Variants in CENPK observed in about 807,000 individuals in gnomAD.
CENPK encodes the protein centromere protein K.
A neutral mutation model predicts 40.9 loss-of-function variants in CENPK; 46 were observed. That is an observed-to-expected ratio of 1.13 (90% confidence interval 0.89 to 1.44). The LOEUF is 1.44. CENPK is among the 40% of genes most tolerant of loss of function. The pLI is 0.00. For synonymous variants in CENPK, 107 were observed against 104.4 expected, an observed-to-expected ratio of 1.02 and a Z score of -0.15; for missense variants, 288 against 303.5, an observed-to-expected ratio of 0.95 and a Z score of 0.38.
intron 6 of CENPK, among the ~76,000 whole-genome samples, chr5:65,531,986 T>C (rs1386803707): frequency 6.6e-6 from 1 of 152,164 alleles, no homozygotes; most frequent in East Asian, 1.9e-4. Context: ...AATTGGTTTT[T>C]TGAGAAGGTC....
At chr5:65,539,110 A>G (rs1468646313) in intron 6 of CENPK, among the ~76,000 whole-genome samples, 1 of 152,202 alleles carries the variant, frequency 6.6e-6, no homozygotes, top group Non-Finnish European at 1.5e-5. Context: ...TGACACTTTA[A>G]AAACATGACA....
chr5:65,557,055 C>A (rs1019134828), intron 2 of CENPK, among the ~76,000 whole-genome samples: 1 of 152,038 alleles, frequency 6.6e-6, no homozygotes, highest in African/African-American at 2.4e-5. Flanking sequence ...GAAGAGTGTG[C>A]AGCTAGAAAT....
At chr5:65,530,298 C>T (rs1745549382) in intron 6 of CENPK, among the ~76,000 whole-genome samples, 1 of 149,512 alleles carries the variant, frequency 6.7e-6, no homozygotes, top group Non-Finnish European at 1.5e-5. Context: ...GGTCAAGTGT[C>T]ATAAAGAAAA....
At position 65,535,981 on chromosome 5, in the gene CENPK, A is replaced by C. The variant is rs576137101; in HGVS notation, c.289-6782T>G. On this transcript the variant is annotated intron_variant, in intron 6 of 10. Transcript: ENST00000396679. ...ATAAAACAACAGCTGCACTGCGATA[A>C]GTTACTGTAGGTAGAAGTTACCAGT... Among the ~76,000 whole-genome samples the C allele has an allele frequency of 3.9e-5, 6 of 152,330 alleles. No homozygotes were observed. The South Asian group carries it at 1.2e-3, about 32-fold the overall frequency.
chr5:65,551,874 C>T (rs1750126880), intron 4 of CENPK, among the ~76,000 whole-genome samples: 1 of 151,342 alleles, frequency 6.6e-6, no homozygotes, highest in African/African-American at 2.4e-5. Flanking sequence ...TTTTTTAGGC[C>T]AAGAGTAAAA....
At chr5:65,507,992 A>C in the CENPK span, among the ~76,000 whole-genome samples, 3 of 152,230 alleles carry the variant, frequency 2.0e-5, no homozygotes, top group Non-Finnish European at 4.4e-5. Flanking sequence ...TTTGGCAATA[A>C]TACTACAGAA....
chr5:65,503,532 A>C, the CENPK span, among the ~76,000 whole-genome samples: 1 of 152,120 alleles, frequency 6.6e-6, no homozygotes, highest in East Asian at 1.9e-4. Context: ...TTGCCTTCTA[A>C]CTCTGTCTAA....
At chr5:65,521,344 A>C (rs1743702970) in intron 10 of CENPK, 131 bp downstream of exon 10, 2 of 647,500 alleles carry the variant, frequency 3.1e-6, no homozygotes, top group Non-Finnish European at 5.4e-6. Flanking sequence ...TATTATTACA[A>C]ATATATTTAA....
chr5:65,551,274 G>T, intron 5 of CENPK: 2 of 236,268 alleles, frequency 8.5e-6, no homozygotes, highest in Non-Finnish European at 1.6e-5. Flanking sequence ...AAAAAAAAAG[G>T]AACAATTTAC....
At chr5:65,533,687 A>T (rs952525166) in intron 6 of CENPK, among the ~76,000 whole-genome samples, 2 of 152,182 alleles carry the variant, frequency 1.3e-5, no homozygotes, top group African/African-American at 4.8e-5. Flanking sequence ...TCTCAAGTTC[A>T]CTGGATACAA....
downstream of CENPK, among the ~76,000 whole-genome samples, chr5:65,515,395 G>A (rs914990678): frequency 6.6e-6 from 1 of 151,822 alleles, no homozygotes; most frequent in Middle Eastern, 3.4e-3. Context: ...TAGAGACGGG[G>A]TTTCACCACG....
chr5:65,522,470 C>T (rs193252436), intron 9 of CENPK, among the ~76,000 whole-genome samples: 6 of 152,194 alleles, frequency 3.9e-5, no homozygotes, highest in Admixed American at 3.9e-4. Context: ...ACTCTGTCAC[C>T]CAGGCTGGAG....
chr5:65,515,296 C>T (rs1470434748), downstream of CENPK, among the ~76,000 whole-genome samples: 3 of 149,336 alleles, frequency 2.0e-5, no homozygotes, highest in South Asian at 2.1e-4. Flanking sequence ...CTCCGCCTCC[C>T]GGGTTCAGGC....
chr5:65,527,160 T>C (rs1003416168), intron 9 of CENPK, among the ~76,000 whole-genome samples: 12 of 151,996 alleles, frequency 7.9e-5, no homozygotes, highest in African/African-American at 2.9e-4. Context: ...TTTCATAATA[T>C]GTTTCACTCA....
chr5:65,542,532 G>A (rs945613288), intron 6 of CENPK, among the ~76,000 whole-genome samples: 1 of 151,960 alleles, frequency 6.6e-6, no homozygotes, highest in Non-Finnish European at 1.5e-5. Context: ...AGCTACTCGG[G>A]AGGCTGAGGC....
At chr5:65,532,897 G>A (rs141256926) in intron 6 of CENPK, among the ~76,000 whole-genome samples, 2,177 of 59,140 alleles carry the variant, frequency 0.037, 53 homozygotes, top group Middle Eastern at 0.15. Context: ...CAACAAGAGC[G>A]AAACTCCATC....
chr5:65,517,092 C>T (rs1742914424), downstream of CENPK, among the ~76,000 whole-genome samples: 2 of 152,126 alleles, frequency 1.3e-5, no homozygotes, highest in East Asian at 3.9e-4. Flanking sequence ...CAGGTGTGCA[C>T]CACCACACCC....
intron 6 of CENPK, among the ~76,000 whole-genome samples, chr5:65,530,372 T>G (rs556664939): frequency 6.6e-6 from 1 of 152,116 alleles, no homozygotes. Flanking sequence ...TAGTATGATA[T>G]GGAAAGACTT....
intron 9 of CENPK, among the ~76,000 whole-genome samples, chr5:65,523,478 A>G (rs1173801340): frequency 1.3e-5 from 1 of 78,318 alleles, no homozygotes; most frequent in Non-Finnish European, 2.9e-5. Context: ...ATAGTAAAAT[A>G]ACACTAACAA....
Sources: gnomAD v4.1 joint callset for allele counts (sites outside exome capture counted in the v4.1 genomes callset) on GRCh38, gnomAD v4.1.1 for gene constraint, MANE v1.5 for transcripts, NCBI Gene and HGNC (gene_info 2026-07-23, HGNC 2026-07-21) for gene names.